Variants in DAB1 observed in about 807,000 individuals in gnomAD.
The protein encoded by DAB1 is DAB adaptor protein 1.
A neutral mutation model predicts 64.6 loss-of-function variants in DAB1; 15 were observed. The observed-to-expected ratio is 0.23, with a 90% CI of 0.16 to 0.36. The LOEUF (loss-of-function observed/expected upper bound fraction) is 0.36, where lower values mean the gene tolerates loss of function less well. DAB1 is among the 10% of genes least tolerant of loss of function. The pLI, the probability that DAB1 is intolerant of heterozygous loss-of-function variation, is 1.00. For missense variants in DAB1, 596 were observed against 706.7 expected (o/e 0.84, Z 1.78); for synonymous variants, 235 against 251.9 (o/e 0.93, Z 0.64).
intron 2 of DAB1, among the ~76,000 whole-genome samples, chr1:57,234,530 T>C (rs1228690950): frequency 1.3e-5 from 2 of 152,244 alleles, no homozygotes; most frequent in African/African-American, 4.8e-5. Flanking sequence ...TAACTGCTAT[T>C]ATTAATAACT....
chr1:58,295,908 T>C (rs1469660491), intron 4 of DAB1, among the ~76,000 whole-genome samples: 1 of 151,698 alleles, frequency 6.6e-6, no homozygotes, highest in Non-Finnish European at 1.5e-5. Context: ...CTGGCCAACA[T>C]GGTGAAATCC....
chr1:58,304,444 T>A (rs1412376827), intron 4 of DAB1, among the ~76,000 whole-genome samples: 1 of 152,202 alleles, frequency 6.6e-6, no homozygotes, highest in East Asian at 1.9e-4. Context: ...GAATAATATG[T>A]AACCACTAAA....
rs542994866 is a variant in DAB1, at chr1:57,313,864, G to T, written c.-136-22698C>A. Among the ~76,000 whole-genome samples the T allele has an allele frequency of 2.4e-4, 36 of 152,266 alleles. 1 individual carries two copies. Among genetic ancestry groups the T allele is most frequent in the Middle Eastern group, 6.8e-3 (2 of 294 alleles). On this transcript the variant is annotated intron_variant, in intron 1 of 14. Transcript: ENST00000371236. ...ATAGGATTCATGTTCTTACAGGAAA[G>T]ACCTCAGAGAAGTCCCTCACCCCTT...
chr1:57,924,458 T>G (rs1451850978), intron 5 of DAB1, among the ~76,000 whole-genome samples: 1 of 151,984 alleles, frequency 6.6e-6, no homozygotes, highest in African/African-American at 2.4e-5. Flanking sequence ...TGAGTTACAT[T>G]TTTTTTCATT....
chr1:57,159,667 A>G (rs934649952), intron 2 of DAB1, among the ~76,000 whole-genome samples: 3 of 152,010 alleles, frequency 2.0e-5, no homozygotes, highest in African/African-American at 7.3e-5. Flanking sequence ...CCCAACACAC[A>G]TATGCATAGT....
At chr1:57,380,980 T>C (rs1488476000) in intron 1 of DAB1, among the ~76,000 whole-genome samples, 1 of 152,146 alleles carries the variant, frequency 6.6e-6, no homozygotes, top group Non-Finnish European at 1.5e-5. Context: ...ATTCCATCCC[T>C]ATCCTAAAAT....
chr1:57,568,952 C>G (rs1429013630), intron 7 of DAB1, among the ~76,000 whole-genome samples: 1 of 152,178 alleles, frequency 6.6e-6, no homozygotes, highest in Non-Finnish European at 1.5e-5. Context: ...GATCATAAAT[C>G]ATGCTGCTAT....
chr1:58,261,330 A>G (rs1335853241), intron 4 of DAB1, among the ~76,000 whole-genome samples: 1 of 152,240 alleles, frequency 6.6e-6, no homozygotes, highest in African/African-American at 2.4e-5. Flanking sequence ...ACATGGCCTT[A>G]GGTCCCTTAG....
At chr1:58,129,315 A>AT (rs1392983505) in intron 5 of DAB1, among the ~76,000 whole-genome samples, 4 of 150,090 alleles carry the variant, frequency 2.7e-5, no homozygotes, top group Non-Finnish European at 5.9e-5. Context: ...CCCCTTTATC[A>AT]TTTTTTATTG....
intron 6 of DAB1, among the ~76,000 whole-genome samples, chr1:57,756,018 C>T (rs1407733218): frequency 2.0e-5 from 3 of 151,184 alleles, no homozygotes; most frequent in Non-Finnish European, 3.0e-5. Flanking sequence ...ATATATTGCT[C>T]GTTCCTGTAC....
chr1:57,736,098 C>T (rs901724076), intron 6 of DAB1, among the ~76,000 whole-genome samples: 1 of 152,124 alleles, frequency 6.6e-6, no homozygotes, highest in Admixed American at 6.5e-5. Context: ...CACATTAATG[C>T]CTCCCCGTAC....
At chr1:58,331,495 A>G (rs936772483) in intron 4 of DAB1, among the ~76,000 whole-genome samples, 3 of 152,228 alleles carry the variant, frequency 2.0e-5, no homozygotes, top group African/African-American at 7.2e-5. Context: ...ATCAAACAGT[A>G]TTACATGCTA....
intron 1 of DAB1, among the ~76,000 whole-genome samples, chr1:57,301,056 A>C (rs1673605242): frequency 6.6e-6 from 1 of 151,836 alleles, no homozygotes; most frequent in African/African-American, 2.4e-5. Context: ...ATGTGCTTCC[A>C]TTTTCTTTTC....
At chr1:57,018,341 T>C (rs1487549759) in intron 11 of DAB1, among the ~76,000 whole-genome samples, 1 of 152,180 alleles carries the variant, frequency 6.6e-6, no homozygotes, top group Non-Finnish European at 1.5e-5. Context: ...TCAGTAGTGA[T>C]TCTACTTACA....
chr1:57,073,656 G>C (rs1346843776), intron 4 of DAB1, among the ~76,000 whole-genome samples: 2 of 152,148 alleles, frequency 1.3e-5, no homozygotes, highest in South Asian at 2.1e-4. Flanking sequence ...GGCACCCACT[G>C]TACCCCTGTG....
chr1:58,387,298 C>T (rs1644440405), intron 3 of DAB1, among the ~76,000 whole-genome samples: 1 of 152,108 alleles, frequency 6.6e-6, no homozygotes, highest in Non-Finnish European at 1.5e-5. Flanking sequence ...GGAGAAAAAG[C>T]ATACAAAATG....
At chr1:57,741,747 T>C (rs1258243195) in intron 6 of DAB1, among the ~76,000 whole-genome samples, 10 of 152,124 alleles carry the variant, frequency 6.6e-5, no homozygotes, top group Non-Finnish European at 1.3e-4. Context: ...CACTGCCGAG[T>C]GAGAAATACT....
At chr1:57,079,638 C>T (rs769864402) in intron 4 of DAB1, among the ~76,000 whole-genome samples, 35 of 152,300 alleles carry the variant, frequency 2.3e-4, no homozygotes, top group Non-Finnish European at 2.2e-4. Flanking sequence ...CCTGTAGGAC[C>T]TGGCTGCTTC....
chr1:58,139,305 T>C (rs1363894789), intron 5 of DAB1, among the ~76,000 whole-genome samples: 7 of 152,202 alleles, frequency 4.6e-5, no homozygotes, highest in Admixed American at 1.3e-4. Flanking sequence ...TCGTCCATTC[T>C]CATGCTACTA....
Sources: gnomAD v4.1 joint callset for allele counts (sites outside exome capture counted in the v4.1 genomes callset) on GRCh38, gnomAD v4.1.1 for gene constraint, MANE v1.5 for transcripts, NCBI Gene and HGNC (gene_info 2026-07-23, HGNC 2026-07-21) for gene names.